Variants in ATP13A5 observed in about 807,000 individuals in gnomAD.
ATP13A5 encodes the protein ATPase 13A5.
In ATP13A5, 149 loss-of-function variants were observed where a neutral mutation model predicts 150.2. The observed-to-expected ratio is 0.99, with a 90% CI of 0.87 to 1.14. The LOEUF is 1.14. Ranked by LOEUF, ATP13A5 falls within the 50% of genes most tolerant of loss-of-function variation. The pLI is 0.00. For missense variants in ATP13A5, 1,383 were observed against 1,449.3 expected, an observed-to-expected ratio of 0.95 and a Z score of 0.74; for synonymous variants, 497 against 522.2, an observed-to-expected ratio of 0.95 and a Z score of 0.66.
At chr3:193,285,711 CCT>C (rs1453402525) in intron 26 of ATP13A5, among the ~76,000 whole-genome samples, 1 of 152,070 alleles carries the variant, frequency 6.6e-6, no homozygotes, top group African/African-American at 2.4e-5. Context: ...AGGATTATTC[CCT>C]GTTCCCCACG....
At chr3:193,324,758 CATT>C (rs1199728502) in intron 14 of ATP13A5, 103 bp downstream of exon 14, 10 of 1,275,442 alleles carry the variant, frequency 7.8e-6, no homozygotes, top group Admixed American at 4.2e-5. Context: ...CTTATACATA[CATT>C]ATTATGAACC....
chr3:193,360,834 G>A (rs568516661), intron 5 of ATP13A5, among the ~76,000 whole-genome samples: 24 of 152,194 alleles, frequency 1.6e-4, no homozygotes, highest in Non-Finnish European at 2.9e-4. Context: ...AGGCCACCAC[G>A]CCTGGCTAAC....
intron 23 of ATP13A5, among the ~76,000 whole-genome samples, chr3:193,303,397 A>C (rs7622598): frequency 0.36 from 54,022 of 151,958 alleles, 9,967 homozygotes; most frequent in East Asian, 0.57. Context: ...AATTTATTTC[A>C]AGCAAATTTA....
rs754211913 is a variant in ATP13A5, at chr3:193,279,976, T to TTAAA, written c.3227-523_3227-522insTTTA. Among the ~76,000 whole-genome samples the TTAAA allele has an allele frequency of 6.7e-5, 4 of 59,890 alleles. No individual in the cohort carries two copies. In the Admixed American group the frequency reaches 9.1e-4, roughly 14 times the overall value. 39.3% of individuals were successfully genotyped at this position (59,890 alleles called of 152,430 possible). A position where few individuals can be genotyped will look rare whatever the true frequency, so the allele number is the denominator to read the frequency against. On this transcript the variant is annotated intron_variant, in intron 27 of 29. Transcript: ENST00000342358. ...CACTCTCTAGCTTCTGTGTCTTTGT[T>TTAAA]AAAAAAAAAAAAAAAAAAAAAAAAA...
chr3:193,343,503 G>A (rs1174132086), intron 9 of ATP13A5, among the ~76,000 whole-genome samples: 1 of 152,162 alleles, frequency 6.6e-6, no homozygotes, highest in Non-Finnish European at 1.5e-5. Flanking sequence ...TATCTACAGA[G>A]TGCAGGGTTG....
intron 7 of ATP13A5, among the ~76,000 whole-genome samples, chr3:193,350,212 G>GTA (rs952020536): frequency 3.0e-4 from 45 of 151,706 alleles, no homozygotes; most frequent in East Asian, 9.7e-4. Flanking sequence ...ATATAAGCTG[G>GTA]TATATATATA....
chr3:193,329,687 C>T (rs534131207), intron 12 of ATP13A5, among the ~76,000 whole-genome samples: 1 of 152,240 alleles, frequency 6.6e-6, no homozygotes, highest in East Asian at 1.9e-4. Context: ...AAAATACAAA[C>T]AGAAAGAGAA....
intron 19 of ATP13A5, 151 bp from the exon 20 acceptor site, chr3:193,312,092 TA>T: frequency 2.1e-6 from 2 of 961,342 alleles, no homozygotes; most frequent in South Asian, 3.5e-5. Flanking sequence ...GTTCTACCCA[TA>T]GGAAAAAACA....
At chr3:193,313,698 G>A (rs1485387575) in intron 19 of ATP13A5, 1 of 200,216 alleles carries the variant, frequency 5.0e-6, no homozygotes, top group Non-Finnish European at 1.0e-5. Flanking sequence ...ATTGCATAGG[G>A]TTATTTTAAT....
At chr3:193,309,985 C>T (rs1272383961) in intron 21 of ATP13A5, among the ~76,000 whole-genome samples, 1 of 152,110 alleles carries the variant, frequency 6.6e-6, no homozygotes, top group Non-Finnish European at 1.5e-5. Flanking sequence ...AAGCCCAGTA[C>T]CCAGTAGTTA....
intron 23 of ATP13A5, among the ~76,000 whole-genome samples, chr3:193,303,782 T>C (rs1360778153): frequency 6.6e-6 from 1 of 151,348 alleles, no homozygotes; most frequent in Non-Finnish European, 1.5e-5. Flanking sequence ...ACTTCATTTG[T>C]ATGTGTGTGT....
chr3:193,339,643 A>G (rs1219731263), intron 9 of ATP13A5, among the ~76,000 whole-genome samples: 1 of 152,170 alleles, frequency 6.6e-6, no homozygotes, highest in Non-Finnish European at 1.5e-5. Context: ...CTTTAAAACA[A>G]TTATGATATT....
chr3:193,295,571 A>G (rs961901049), intron 25 of ATP13A5, among the ~76,000 whole-genome samples: 20 of 152,122 alleles, frequency 1.3e-4, no homozygotes, highest in Non-Finnish European at 4.4e-5. Flanking sequence ...CTCATGCCTC[A>G]GGAACCTACG....
intron 13 of ATP13A5, among the ~76,000 whole-genome samples, chr3:193,325,763 T>C (rs1355143908): frequency 6.6e-6 from 1 of 152,214 alleles, no homozygotes; most frequent in Non-Finnish European, 1.5e-5. Flanking sequence ...TTTTTCTCTT[T>C]GATAATACAA....
chr3:193,276,909 T>C, intron 28 of ATP13A5, 79 bp from the exon 29 acceptor site: 3 of 1,080,836 alleles, frequency 2.8e-6, no homozygotes, highest in Non-Finnish European at 4.1e-6. Context: ...ATTTAATTTA[T>C]AGATTTGTAA....
At position 193,285,081 on chromosome 3, in the gene ATP13A5, G is replaced by A. The variant is rs752657089; in HGVS notation, c.3059C>T (p.Thr1020Ile). 6.2e-7 allele frequency: 1 copy of A among 1,613,620 alleles called. No homozygotes were observed. Among genetic ancestry groups the A allele is most frequent in the Non-Finnish European group, 8.5e-7 (1 of 1,179,848 alleles). ...CCAGTTTCTTTCCAAACTCACATTT[G>A]TTGAAAAATTACTTTGGTTGGCCAG... ...CFLANQSNFS[T>I]NVSLERNWTG... Residue 1020 changes from threonine to isoleucine, a missense_variant, in exon 27 of 30, where the codon ACA (threonine) becomes ATA (isoleucine). This residue lies in a region of ATP13A5 where 568 missense variants were observed against 621.5 expected (regional missense o/e 0.91). Transcript: ENST00000342358.
intron 26 of ATP13A5, among the ~76,000 whole-genome samples, chr3:193,289,538 G>A (rs1717861640): frequency 6.6e-6 from 1 of 152,080 alleles, no homozygotes; most frequent in Non-Finnish European, 1.5e-5. Context: ...GAGTTGACTA[G>A]CTGCAACTGA....
intron 21 of ATP13A5, among the ~76,000 whole-genome samples, chr3:193,307,925 GA>G (rs1247136309): frequency 6.6e-6 from 1 of 152,182 alleles, no homozygotes; most frequent in African/African-American, 2.4e-5. Context: ...AATACAAATA[GA>G]AGAGTAAAAA....
chr3:193,325,814 G>C (rs755991446), intron 13 of ATP13A5, among the ~76,000 whole-genome samples: 16 of 152,164 alleles, frequency 1.1e-4, no homozygotes, highest in Non-Finnish European at 1.8e-4. Context: ...CCTTACAGCT[G>C]AATAGTGATT....
Sources: allele counts gnomAD v4.1 joint callset (sites outside exome capture counted in the v4.1 genomes callset), GRCh38; gene constraint gnomAD v4.1.1; regional missense constraint gnomAD v4.1.1; transcripts MANE v1.5; gene names NCBI Gene and HGNC (gene_info 2026-07-23, HGNC 2026-07-21).